LIPC: variants seen among roughly 807,000 people sequenced by gnomAD.
LIPC encodes the protein hepatic triacylglycerol lipase.
In LIPC, 44 loss-of-function variants were observed where a neutral mutation model predicts 50.7. The ratio of observed to expected loss-of-function variants is 0.87; its 90% CI spans 0.68 to 1.11. The LOEUF is 1.11. Ranked by LOEUF, LIPC falls within the 50% of genes most tolerant of loss-of-function variation. LIPC has a pLI of 0.00. For synonymous variants in LIPC, 271 were observed against 256.4 expected, an observed-to-expected ratio of 1.06 and a Z score of -0.54; for missense variants, 697 against 648.2, an observed-to-expected ratio of 1.08 and a Z score of -0.82.
At chr15:58,469,836 C>T (rs1468699401) in intron 1 of LIPC, among the ~76,000 whole-genome samples, 2 of 152,084 alleles carry the variant, frequency 1.3e-5, no homozygotes, top group South Asian at 2.1e-4. Context: ...GACCTCCCCG[C>T]GGCAGCACTT....
At chr15:58,483,429 G>C (rs1198968868) in intron 1 of LIPC, among the ~76,000 whole-genome samples, 1 of 152,202 alleles carries the variant, frequency 6.6e-6, no homozygotes, top group Non-Finnish European at 1.5e-5. Flanking sequence ...AGTTTACAAA[G>C]TGATTCCTAC....
intron 1 of LIPC, among the ~76,000 whole-genome samples, chr15:58,477,514 G>C (rs1891040759): frequency 6.6e-6 from 1 of 152,148 alleles, no homozygotes; most frequent in Non-Finnish European, 1.5e-5. Context: ...TCATTTGGAG[G>C]GAAAATATTT....
At chr15:58,527,799 G>T (rs1420279060) in intron 1 of LIPC, among the ~76,000 whole-genome samples, 2 of 152,104 alleles carry the variant, frequency 1.3e-5, no homozygotes, top group Non-Finnish European at 2.9e-5. Flanking sequence ...ATTAATGAAT[G>T]AATGAATGAA....
At chr15:58,450,775 T>C (rs1442487629) in intron 1 of LIPC, among the ~76,000 whole-genome samples, 3 of 152,114 alleles carry the variant, frequency 2.0e-5, no homozygotes, top group African/African-American at 7.2e-5. Flanking sequence ...AAGAAATGCC[T>C]GGTATTGATA....
At chr15:58,538,557 C>T in intron 2 of LIPC, 40 bp downstream of exon 2, 1 of 1,593,838 alleles carries the variant, frequency 6.3e-7, no homozygotes, top group Non-Finnish European at 8.6e-7. Flanking sequence ...TCCGATTTCA[C>T]ATTTTCTTTT....
chr15:58,488,192 A>C (rs1426511874), intron 1 of LIPC, among the ~76,000 whole-genome samples: 1 of 152,226 alleles, frequency 6.6e-6, no homozygotes, highest in Non-Finnish European at 1.5e-5. Flanking sequence ...GATGGCTTGA[A>C]TCCAAGAGGC....
At chr15:58,523,747 T>C (rs1892722042) in intron 1 of LIPC, among the ~76,000 whole-genome samples, 1 of 152,030 alleles carries the variant, frequency 6.6e-6, no homozygotes, top group African/African-American at 2.4e-5. Flanking sequence ...AGTGAGGCCC[T>C]GTGTCTATGA....
At chr15:58,560,760 A>G (rs1894131413) in intron 6 of LIPC, 104 bp from the exon 7 acceptor site, 1 of 681,498 alleles carries the variant, frequency 1.5e-6, no homozygotes, top group Non-Finnish European at 2.7e-6. Context: ...TATCTATCCA[A>G]ACTCTTCCCT....
chr15:58,464,985 C>T (rs1351743551), intron 1 of LIPC, among the ~76,000 whole-genome samples: 1 of 151,920 alleles, frequency 6.6e-6, no homozygotes, highest in Non-Finnish European at 1.5e-5. Context: ...AAATGGGGAG[C>T]GAGGGGGGAG....
At chr15:58,536,615 C>G (rs534631559) in intron 1 of LIPC, among the ~76,000 whole-genome samples, 1 of 152,264 alleles carries the variant, frequency 6.6e-6, no homozygotes, top group South Asian at 2.1e-4. Context: ...GACAGGAGGG[C>G]AGCCAGTGAA....
intron 1 of LIPC, among the ~76,000 whole-genome samples, chr15:58,449,653 C>T (rs1338293810): frequency 1.3e-5 from 2 of 152,038 alleles, no homozygotes; most frequent in Non-Finnish European, 2.9e-5. Flanking sequence ...GCTTCTCCTG[C>T]CTCAGCCTCC....
At chr15:58,518,962 G>T (rs1371174582) in intron 1 of LIPC, among the ~76,000 whole-genome samples, 2 of 151,708 alleles carry the variant, frequency 1.3e-5, no homozygotes, top group Non-Finnish European at 1.5e-5. Context: ...GAAAGAAAAA[G>T]AAAAGAAAAG....
At chr15:58,498,436 T>C (rs1205800488) in intron 1 of LIPC, among the ~76,000 whole-genome samples, 1 of 152,042 alleles carries the variant, frequency 6.6e-6, no homozygotes, top group African/African-American at 2.4e-5. Context: ...GAGGGTGAAA[T>C]TGTATCTTGA....
At chr15:58,497,041 C>T (rs1020132312) in intron 1 of LIPC, among the ~76,000 whole-genome samples, 2 of 152,162 alleles carry the variant, frequency 1.3e-5, no homozygotes, top group Non-Finnish European at 2.9e-5. Context: ...TACAAATGCA[C>T]TGCCTTTTAC....
At chr15:58,443,387 A>G (rs1893571574) in intron 1 of LIPC, among the ~76,000 whole-genome samples, 1 of 152,212 alleles carries the variant, frequency 6.6e-6, no homozygotes, top group African/African-American at 2.4e-5. Context: ...CTCACATCTC[A>G]GCCTCCATCA....
intron 1 of LIPC, among the ~76,000 whole-genome samples, chr15:58,500,226 A>G (rs1891933680): frequency 6.6e-6 from 1 of 152,144 alleles, no homozygotes; most frequent in African/African-American, 2.4e-5. Context: ...GTAGTGTTAC[A>G]GTGATGTCAT....
chr15:58,528,439 C>G (rs1444124960), intron 1 of LIPC, among the ~76,000 whole-genome samples: 1 of 152,218 alleles, frequency 6.6e-6, no homozygotes, highest in Non-Finnish European at 1.5e-5. Context: ...GGTTAAATAA[C>G]TAGCCCAAGG....
intron 1 of LIPC, among the ~76,000 whole-genome samples, chr15:58,508,109 A>G (rs548887910): frequency 1.3e-5 from 2 of 152,168 alleles, no homozygotes; most frequent in Admixed American, 6.5e-5. Flanking sequence ...ATGAAAACTC[A>G]GGGAGGAGAC....
At chr15:58,496,981 G>A (rs541535751) in intron 1 of LIPC, among the ~76,000 whole-genome samples, 3 of 152,232 alleles carry the variant, frequency 2.0e-5, no homozygotes, top group East Asian at 1.9e-4. Flanking sequence ...CACCGCGCCC[G>A]GCCCTTTTAA....
Sources: allele counts gnomAD v4.1 joint callset (sites outside exome capture counted in the v4.1 genomes callset), GRCh38; gene constraint gnomAD v4.1.1; transcripts MANE v1.5; gene names NCBI Gene and HGNC (gene_info 2026-07-23, HGNC 2026-07-21).